SAMSN1: variants seen among roughly 807,000 people sequenced by gnomAD.
SAMSN1 encodes SAM domain, SH3 domain and nuclear localization signals 1.
A neutral mutation model predicts 42.0 loss-of-function variants in SAMSN1; 31 were observed. The ratio of observed to expected loss-of-function variants is 0.74; its 90% CI spans 0.55 to 1.00. SAMSN1 has a LOEUF of 1.00. Among genes scored for constraint, SAMSN1 ranks in the 50% least tolerant of loss-of-function variants. The pLI, the probability that SAMSN1 is intolerant of heterozygous loss-of-function variation, is 0.00. For missense variants in SAMSN1, 464 were observed against 439.4 expected, an observed-to-expected ratio of 1.06 and a Z score of -0.50; for synonymous variants, 178 against 151.9, an observed-to-expected ratio of 1.17 and a Z score of -1.26.
chr21:14,509,139 AAAAAGAAAAG>A (rs146115046), intron 5 of SAMSN1, among the ~76,000 whole-genome samples: 9 of 151,152 alleles, frequency 6.0e-5, no homozygotes, highest in Admixed American at 5.3e-4. Flanking sequence ...AAAGAAAAGA[AAAAAGAAAAG>A]AAAAGAAAAG....
At chr21:14,558,269 G>A (rs766220589) in intron 2 of SAMSN1, among the ~76,000 whole-genome samples, 5 of 151,904 alleles carry the variant, frequency 3.3e-5, no homozygotes, top group East Asian at 1.9e-4. Context: ...TGCAGAATCC[G>A]TACCCCTCAA....
chr21:14,489,809 A>C (rs1278501376), intron 7 of SAMSN1, among the ~76,000 whole-genome samples: 1 of 152,170 alleles, frequency 6.6e-6, no homozygotes, highest in Admixed American at 6.5e-5. Context: ...ATTTTAAGAT[A>C]GTTATCAATG....
intron 2 of SAMSN1, among the ~76,000 whole-genome samples, chr21:14,578,009 C>T (rs1981562837): frequency 1.3e-5 from 2 of 152,324 alleles, no homozygotes; most frequent in South Asian, 4.1e-4. Context: ...ATTTCCCTGT[C>T]TGATTCCGTT....
intron 1 of SAMSN1, among the ~76,000 whole-genome samples, chr21:14,650,147 CAACAA>C (rs1238558411): frequency 6.6e-6 from 1 of 152,004 alleles, no homozygotes. Flanking sequence ...GACAGAAAAT[CAACAA>C]AGAAACATCA....
At chr21:14,614,943 A>G (rs561076770) in intron 3 of SAMSN1, among the ~76,000 whole-genome samples, 9 of 152,322 alleles carry the variant, frequency 5.9e-5, no homozygotes, top group African/African-American at 2.2e-4. Flanking sequence ...ATCATCAGAC[A>G]CTTTCCCTTT....
At chr21:14,603,913 G>GC (rs1982502206) in intron 5 of SAMSN1, among the ~76,000 whole-genome samples, 1 of 152,108 alleles carries the variant, frequency 6.6e-6, no homozygotes, top group South Asian at 2.1e-4. Flanking sequence ...TTTCCCTCAT[G>GC]TTTTTCAAGG....
intron 5 of SAMSN1, among the ~76,000 whole-genome samples, chr21:14,500,941 AGGC>A (rs1377595868): frequency 6.6e-6 from 1 of 152,218 alleles, no homozygotes; most frequent in Non-Finnish European, 1.5e-5. Flanking sequence ...TGGGAGGCCA[AGGC>A]GGGAGGATTG....
chr21:14,503,285 G>A (rs1486314896), intron 5 of SAMSN1, among the ~76,000 whole-genome samples: 2 of 152,164 alleles, frequency 1.3e-5, no homozygotes, highest in Non-Finnish European at 2.9e-5. Flanking sequence ...CATCCTGAAA[G>A]AGCCAACTGC....
intron 4 of SAMSN1, among the ~76,000 whole-genome samples, chr21:14,512,217 C>A (rs942657291): frequency 6.6e-6 from 1 of 152,076 alleles, no homozygotes; most frequent in African/African-American, 2.4e-5. Context: ...TCCCGAGGAG[C>A]CCCGTTGACT....
rs1981513579 is a variant in SAMSN1 at position 14,577,254 on chromosome 21, A to ATT, written c.261+4881_261+4882insAA. ...TATATGTGTGTATATATATATATATATATATATATATATATATATATATAT... is the reference window on the plus strand; with the variant it reads ...TATATGTGTGTATATATATATATATATTTATATATATATATATATATATATAT... On this transcript the variant is annotated intron_variant, in intron 2 of 8. Coordinates refer to the SAMSN1 transcript ENST00000285670. 7.8e-5 allele frequency among the ~76,000 whole-genome samples: 3 copies of ATT among 38,516 alleles called. 1 individual carries two copies. Among genetic ancestry groups the ATT allele is most frequent in the Non-Finnish European group, 1.4e-4 (3 of 21,830 alleles). 25.3% of individuals were successfully genotyped at this position (38,516 alleles called of 152,430 possible).
intron 1 of SAMSN1, among the ~76,000 whole-genome samples, chr21:14,646,088 T>C (rs1172999082): frequency 2.0e-5 from 3 of 152,120 alleles, no homozygotes; most frequent in Non-Finnish European, 4.4e-5. Context: ...GAGATAGGGA[T>C]AGAAAGTTTA....
intron 7 of SAMSN1, among the ~76,000 whole-genome samples, chr21:14,489,763 A>T (rs1986601245): frequency 6.6e-6 from 1 of 152,120 alleles, no homozygotes; most frequent in Non-Finnish European, 1.5e-5. Flanking sequence ...TTCCTACCAA[A>T]ATTGTTACAG....
At chr21:14,571,595 G>A (rs1425556842) in intron 2 of SAMSN1, among the ~76,000 whole-genome samples, 1 of 152,144 alleles carries the variant, frequency 6.6e-6, no homozygotes, top group Non-Finnish European at 1.5e-5. Context: ...AGGTGGTTAT[G>A]ACTGAGCGAT....
Position 14,521,237 on chromosome 21 carries a change from G to T in SAMSN1, c.58-16C>A. 1 of 1,588,048 alleles carries T rather than the reference G, an allele frequency of 6.3e-7. No individual in the cohort carries two copies. On this transcript the variant is annotated splice_polypyrimidine_tract_variant and intron_variant, in intron 1 of 7. Transcript: ENST00000400566. The stretch of plus-strand genomic sequence containing the variant: ...TGCTGCTTCGCTATAAAATAGAAAA[G>T]AAAAAGCAAAGGAAACTTAGAATTT...
intron 1 of SAMSN1, among the ~76,000 whole-genome samples, chr21:14,528,239 T>G (rs915859543): frequency 1.6e-4 from 24 of 152,302 alleles, no homozygotes; most frequent in Admixed American, 1.4e-3. Flanking sequence ...TATGTTATTG[T>G]GCACTTTCTA....
At chr21:14,570,471 A>G (rs1771934367) in intron 2 of SAMSN1, among the ~76,000 whole-genome samples, 1 of 152,138 alleles carries the variant, frequency 6.6e-6, no homozygotes, top group Non-Finnish European at 1.5e-5. Context: ...GGTGGCTATG[A>G]GTTTCTGAGC....
intron 1 of SAMSN1, among the ~76,000 whole-genome samples, chr21:14,528,508 G>T (rs774695499): frequency 2.6e-5 from 4 of 152,090 alleles, no homozygotes; most frequent in Non-Finnish European, 4.4e-5. Flanking sequence ...GCTCCCCTGA[G>T]GATCTGTTTT....
intron 6 of SAMSN1, among the ~76,000 whole-genome samples, chr21:14,599,777 A>G (rs1232676379): frequency 6.6e-6 from 1 of 152,176 alleles, no homozygotes; most frequent in African/African-American, 2.4e-5. Flanking sequence ...GCAGATGCCC[A>G]ATCTTGAACT....
At chr21:14,639,594 G>C (rs954948897) in intron 2 of SAMSN1, among the ~76,000 whole-genome samples, 1 of 152,120 alleles carries the variant, frequency 6.6e-6, no homozygotes, top group African/African-American at 2.4e-5. Context: ...AACTTTAGGA[G>C]AGACATCCAA....
Sources: gnomAD v4.1 joint callset for allele counts (sites outside exome capture counted in the v4.1 genomes callset) on GRCh38, gnomAD v4.1.1 for gene constraint, MANE v1.5 for transcripts, NCBI Gene and HGNC (gene_info 2026-07-23, HGNC 2026-07-21) for gene names.